Variants in GABRB1 observed in about 807,000 individuals in gnomAD.
GABRB1 encodes gamma-aminobutyric acid receptor subunit beta-1.
GABRB1 carries 17 observed loss-of-function variants against 51.6 expected under a neutral mutation model. That is an observed-to-expected ratio of 0.33 (90% CI 0.23 to 0.49). The LOEUF (loss-of-function observed/expected upper bound fraction) is 0.49. Ranked by LOEUF, GABRB1 falls within the 20% of genes least tolerant of loss-of-function variation. GABRB1 has a pLI of 0.99. For synonymous variants in GABRB1, 247 were observed against 218.9 expected (o/e 1.13, Z -1.14); for missense variants, 410 against 600.6 (o/e 0.68, Z 3.32).
chr4:47,226,541 C>A (rs1300761083), intron 4 of GABRB1, among the ~76,000 whole-genome samples: 2 of 152,116 alleles, frequency 1.3e-5, no homozygotes, highest in Admixed American at 6.6e-5. Flanking sequence ...CAGAGTCCTG[C>A]TCCCTTTTCT....
chr4:47,269,934 C>CCACACACACACA (rs1276810392), intron 4 of GABRB1, among the ~76,000 whole-genome samples: 6 of 21,796 alleles, frequency 2.8e-4, no homozygotes, highest in South Asian at 2.7e-3. Context: ...TCAACTCTCC[C>CCACACACACACA]TACACACACA....
At chr4:47,031,467 T>G, upstream of GABRB1, 1 of 607,760 alleles carries the variant, frequency 1.6e-6, no homozygotes, top group Non-Finnish European at 2.9e-6. Flanking sequence ...AATAGGAACT[T>G]TAGAGGGATT....
chr4:47,301,313 CA>C (rs1724250161), intron 4 of GABRB1, among the ~76,000 whole-genome samples: 1 of 152,070 alleles, frequency 6.6e-6, no homozygotes, highest in Admixed American at 6.6e-5. Context: ...AAGATAAATT[CA>C]TGTAAAAGTA....
intron 3 of GABRB1, among the ~76,000 whole-genome samples, chr4:47,070,472 C>T (rs534802447): frequency 3.9e-5 from 6 of 152,280 alleles, no homozygotes; most frequent in South Asian, 4.1e-4. Context: ...GCTGGGATTA[C>T]AGGCGCCAGC....
intron 5 of GABRB1, among the ~76,000 whole-genome samples, chr4:47,374,625 T>C (rs1401537208): frequency 6.6e-6 from 1 of 152,176 alleles, no homozygotes; most frequent in East Asian, 1.9e-4. Context: ...TTTTAGCCCT[T>C]GAGTCATAGC....
intron 5 of GABRB1, among the ~76,000 whole-genome samples, chr4:47,337,863 A>G (rs955273530): frequency 6.6e-6 from 1 of 151,512 alleles, no homozygotes; most frequent in Non-Finnish European, 1.5e-5. Flanking sequence ...TCATTAAAAT[A>G]TCATGTAAAG....
At chr4:47,194,279 T>C (rs1719557657) in intron 4 of GABRB1, among the ~76,000 whole-genome samples, 1 of 152,206 alleles carries the variant, frequency 6.6e-6, no homozygotes, top group Non-Finnish European at 1.5e-5. Context: ...GGAACGTGTT[T>C]CTTTAGTGAG....
At chr4:47,384,505 C>A (rs1414889842) in intron 5 of GABRB1, among the ~76,000 whole-genome samples, 1 of 151,430 alleles carries the variant, frequency 6.6e-6, no homozygotes, top group Non-Finnish European at 1.5e-5. Context: ...CCAATAAAAT[C>A]AGGATACACA....
chr4:47,238,721 C>T (rs983553053), intron 4 of GABRB1, among the ~76,000 whole-genome samples: 2 of 152,044 alleles, frequency 1.3e-5, no homozygotes, highest in Non-Finnish European at 2.9e-5. Context: ...TTTTGGAATA[C>T]TTAAGTAAAA....
At chr4:47,314,799 C>T (rs567971355) in intron 4 of GABRB1, among the ~76,000 whole-genome samples, 1 of 152,038 alleles carries the variant, frequency 6.6e-6, no homozygotes, top group African/African-American at 2.4e-5. Flanking sequence ...TTTTCATCCA[C>T]ATTTAAACAG....
intron 4 of GABRB1, among the ~76,000 whole-genome samples, chr4:47,204,766 C>T (rs190223630): frequency 5.3e-5 from 8 of 152,260 alleles, no homozygotes; most frequent in South Asian, 2.1e-4. Context: ...TCCTCCTTGC[C>T]TTCTGCCATG....
At position 47,094,906 on chromosome 4, in the gene GABRB1, AG is replaced by A. The variant is rs1714334583; in HGVS notation, c.240+62423del. On this transcript the variant is annotated intron_variant, in intron 3 of 8. Transcript: ENST00000295454. ...CTGTTATTAGGATTGAATCTTCTTG[AG>A]TGGGCCTGTTGAACTGGTAAAGTAT... Among the ~76,000 whole-genome samples the A allele has an allele frequency of 4.6e-5, 7 of 152,254 alleles. No individual in the cohort carries two copies. In the South Asian group the frequency reaches 1.4e-3, roughly 32 times the overall value.
Position 47,210,332 on chromosome 4 carries a change from C to A in GABRB1, c.461+48863C>A, listed in dbSNP as rs968218956. 1.1e-4 allele frequency among the ~76,000 whole-genome samples: 16 copies of A among 152,188 alleles called. 1 individual carries two copies. The highest frequency in any genetic ancestry group is 7.2e-4 in the Admixed American group (11 of 15,258). ...AGAGCTGAAATGCACACAGAGACTG[C>A]AAAGCATATGAATGAACTGTAGCTG... On this transcript the variant is annotated intron_variant, in intron 4 of 8. Coordinates refer to ENST00000295454, the MANE Select transcript of GABRB1 (RefSeq NM_000812.4).
chr4:47,044,660 C>T (rs1726007520), intron 3 of GABRB1, among the ~76,000 whole-genome samples: 1 of 151,936 alleles, frequency 6.6e-6, no homozygotes. Context: ...TCATATTTAT[C>T]TCTCAGGCTT....
intron 4 of GABRB1, among the ~76,000 whole-genome samples, chr4:47,169,466 A>G (rs373620436): frequency 6.6e-6 from 1 of 151,692 alleles, no homozygotes; most frequent in South Asian, 2.1e-4. Flanking sequence ...TGTACCTTAC[A>G]AAGTGATTTT....
At chr4:47,286,728 A>G (rs1223552022) in intron 4 of GABRB1, among the ~76,000 whole-genome samples, 1 of 152,246 alleles carries the variant, frequency 6.6e-6, no homozygotes, top group African/African-American at 2.4e-5. Context: ...ACCTTGTGAA[A>G]CAAAGGCAGA....
chr4:47,039,365 A>AT (rs1190989024), intron 3 of GABRB1, among the ~76,000 whole-genome samples: 1 of 151,170 alleles, frequency 6.6e-6, no homozygotes, highest in Non-Finnish European at 1.5e-5. Flanking sequence ...AATACAAAAA[A>AT]AAAAAAAAAA....
chr4:47,367,334 C>T (rs1686450865), intron 5 of GABRB1, among the ~76,000 whole-genome samples: 1 of 152,160 alleles, frequency 6.6e-6, no homozygotes, highest in South Asian at 2.1e-4. Flanking sequence ...GCTACCATGT[C>T]TAGTATCTCT....
At chr4:47,177,918 A>G (rs1426762935) in intron 4 of GABRB1, among the ~76,000 whole-genome samples, 1 of 151,134 alleles carries the variant, frequency 6.6e-6, no homozygotes, top group Non-Finnish European at 1.5e-5. Context: ...TAGTACAGGC[A>G]CATGTCTGGA....
Sources: allele counts gnomAD v4.1 joint callset (sites outside exome capture counted in the v4.1 genomes callset), GRCh38; gene constraint gnomAD v4.1.1; transcripts MANE v1.5; gene names NCBI Gene and HGNC (gene_info 2026-07-23, HGNC 2026-07-21).